The following GAB4 variants were observed in gnomAD, a reference collection of about 807,000 sequenced individuals.
GAB4 encodes GRB2-associated-binding protein 4.
GAB4 carries 26 observed loss-of-function variants against 51.3 expected under a neutral mutation model. That is an observed-to-expected ratio of 0.51 (90% CI 0.37 to 0.70). GAB4 has a LOEUF of 0.70. Ranked by LOEUF, GAB4 falls within the 30% of genes least tolerant of loss-of-function variation. GAB4 has a pLI of 0.00. For missense variants in GAB4, 759 were observed against 734.6 expected (o/e 1.03, Z -0.38); for synonymous variants, 329 against 291.2 (o/e 1.13, Z -1.32).
intron 2 of GAB4, 139 bp from the exon 3 acceptor site, chr22:16,988,306 G>C (rs1250308216): frequency 5.9e-6 from 4 of 683,396 alleles, no homozygotes; most frequent in Non-Finnish European, 2.6e-6. Context: ...TCCCAGAGGA[G>C]GGCTGGGGCC....
chr22:17,000,618 G>A (rs970300556), intron 1 of GAB4, among the ~76,000 whole-genome samples: 11 of 152,058 alleles, frequency 7.2e-5, no homozygotes, highest in African/African-American at 2.4e-4. Flanking sequence ...TCTTTTAATT[G>A]GAGCATTTAG....
intron 2 of GAB4, among the ~76,000 whole-genome samples, chr22:16,989,859 G>T (rs2060899557): frequency 6.6e-6 from 1 of 152,212 alleles, no homozygotes; most frequent in Admixed American, 6.5e-5. Flanking sequence ...ACCGCAGGGT[G>T]ATCCTGTCCT....
In GAB4 at chr22:17,007,948, C is replaced by T. The variant is rs749617120; in HGVS notation, c.167G>A (p.Arg56Lys). 1 of 1,601,874 alleles carries T rather than the reference C, an allele frequency of 6.2e-7. No individual in the cohort carries two copies. The highest frequency in any genetic ancestry group is 8.5e-7 in the Non-Finnish European group (1 of 1,171,704). ...LRKSPPEKKL[R>K]LFAWRKRWFI... ...CCCCACTGCCCCACTCACAAAGAGC[C>T]TCAGCTTCTTCTCGGGGGGCGACTT... is the stretch of plus-strand genomic sequence containing the variant. The change falls in exon 1 of 10, where the codon AGG (arginine) becomes AAG (lysine). Residue 56 changes from arginine to lysine, a missense_variant. Around this residue, in one of 3 missense-constraint regions of GAB4, gnomAD observed 83 missense variants for 73.1 expected, o/e 1.14. Transcript: ENST00000400588.
At chr22:16,989,468 G>C (rs1031242426) in intron 2 of GAB4, among the ~76,000 whole-genome samples, 1 of 152,196 alleles carries the variant, frequency 6.6e-6, no homozygotes, top group Non-Finnish European at 1.5e-5. Context: ...GGCAAGACAC[G>C]TTCTGCCAGT....
intron 3 of GAB4, among the ~76,000 whole-genome samples, chr22:16,974,828 G>T (rs936545201): frequency 6.6e-6 from 1 of 152,150 alleles, no homozygotes; most frequent in African/African-American, 2.4e-5. Context: ...ATCTCACTGG[G>T]ACTGGTTAGA....
intron 1 of GAB4, among the ~76,000 whole-genome samples, chr22:16,992,758 A>G (rs982606782): frequency 2.0e-5 from 3 of 152,134 alleles, no homozygotes; most frequent in African/African-American, 7.2e-5. Context: ...TTACTCTGTC[A>G]CTCAGGCTGG....
intron 5 of GAB4, among the ~76,000 whole-genome samples, chr22:16,967,936 C>G (rs987998184): frequency 1.5e-4 from 23 of 152,070 alleles, no homozygotes; most frequent in African/African-American, 5.3e-4. Flanking sequence ...CCCCAGCAGC[C>G]TGTCCCCTCT....
chr22:16,973,654 C>G (rs1456540042), intron 3 of GAB4, among the ~76,000 whole-genome samples: 6 of 152,194 alleles, frequency 3.9e-5, no homozygotes, highest in African/African-American at 1.4e-4. Flanking sequence ...AATTACTGGT[C>G]CCTAACTCTC....
chr22:16,990,413 C>A (rs372639696), intron 2 of GAB4, among the ~76,000 whole-genome samples: 9 of 152,264 alleles, frequency 5.9e-5, no homozygotes, highest in East Asian at 5.8e-4. Context: ...GTTGATCAAA[C>A]AAAGGATGTA....
chr22:16,996,116 G>A (rs1373613346), intron 1 of GAB4, among the ~76,000 whole-genome samples: 2 of 151,796 alleles, frequency 1.3e-5, no homozygotes, highest in East Asian at 3.9e-4. Flanking sequence ...GAACATAAAT[G>A]ACTTCATGAA....
chr22:17,001,408 C>G (rs1409747762), intron 1 of GAB4, among the ~76,000 whole-genome samples: 1 of 152,126 alleles, frequency 6.6e-6, no homozygotes, highest in East Asian at 1.9e-4. Flanking sequence ...ATCACTGATG[C>G]CTTCTTCCTC....
chr22:16,968,320 T>C lies in GAB4; in HGVS notation c.1001A>G (p.His334Arg), dbSNP rs1202956201. The stretch of plus-strand genomic sequence containing the variant: ...CACCAGGAAAGAACAGACTCCCTCA[T>C]GCATGGACTCAGCAGGCCGGCTGGC... Reference protein sequence around the residue: ...GNASRPAESMHEGVCSFLPGR... With the variant: ...GNASRPAESMREGVCSFLPGR... The change falls in exon 5 of 10, where the codon CAT becomes CGT. Residue 334 changes from histidine to arginine, a missense_variant. This residue lies in a region of GAB4 where 588 missense variants were observed against 510.2 expected (regional missense o/e 1.15). Transcript: ENST00000400588. 14 of 1,613,876 alleles carry C rather than the reference T, an allele frequency of 8.7e-6. No homozygotes were observed. Among genetic ancestry groups the C allele is most frequent in the Non-Finnish European group, 1.1e-5 (13 of 1,179,776 alleles).
intron 3 of GAB4, among the ~76,000 whole-genome samples, chr22:16,971,551 A>G (rs905712338): frequency 1.6e-3 from 247 of 152,352 alleles, no homozygotes; most frequent in African/African-American, 5.3e-3. Context: ...ATGTGGGGAA[A>G]AAAGTAAGAC....
chr22:16,963,602 C>A, intron 9 of GAB4, 123 bp downstream of exon 9: 1 of 705,908 alleles, frequency 1.4e-6, no homozygotes, highest in Non-Finnish European at 2.5e-6. Context: ...AGCATAAGAG[C>A]CAGGCACTGG....
chr22:16,962,200 C>T lies in GAB4; in HGVS notation c.*533G>A, dbSNP rs2060635414. On this transcript the variant is annotated 3_prime_UTR_variant, in exon 10 of 10. Coordinates refer to ENST00000400588, the MANE Select transcript of GAB4 (RefSeq NM_001037814.1). ...CTGGCCTCAGTCTGAAAGTGGGAGC[C>T]CTTGCAGGTATCAGCTGCCCTGCTG... 1 of 152,470 alleles carries T rather than the reference C, an allele frequency of 6.6e-6. No individual in the cohort carries two copies. The highest frequency in any genetic ancestry group is 2.1e-4 in the South Asian group (1 of 4,836). The allele number at this position is 152,470 out of a possible 1,614,324, so 9.4% of individuals were successfully genotyped here.
At chr22:17,004,437 C>T (rs1009109662) in intron 1 of GAB4, among the ~76,000 whole-genome samples, 5 of 152,190 alleles carry the variant, frequency 3.3e-5, no homozygotes, top group African/African-American at 1.2e-4. Context: ...CAATAAAATA[C>T]TGGCAAACCG....
At chr22:16,993,915 C>A (rs1351606275) in intron 1 of GAB4, among the ~76,000 whole-genome samples, 3 of 152,192 alleles carry the variant, frequency 2.0e-5, no homozygotes, top group Non-Finnish European at 2.9e-5. Flanking sequence ...GACCTTGTCA[C>A]TGGGGAACAC....
intron 1 of GAB4, 32 bp from the exon 2 acceptor site, chr22:16,992,208 C>A (rs763343844): frequency 3.8e-6 from 6 of 1,572,642 alleles, no homozygotes; most frequent in Non-Finnish European, 5.2e-6. Context: ...GGGAAGCATG[C>A]ATTTGTTATT....
At chr22:16,976,990 C>T (rs2060784094) in intron 3 of GAB4, among the ~76,000 whole-genome samples, 1 of 152,096 alleles carries the variant, frequency 6.6e-6, no homozygotes, top group Non-Finnish European at 1.5e-5. Context: ...TTGTCACCAC[C>T]ATGCCTGCCT....
Sources: gnomAD v4.1 joint callset for allele counts (sites outside exome capture counted in the v4.1 genomes callset) on GRCh38, gnomAD v4.1.1 for gene constraint, gnomAD v4.1.1 regional missense constraint, MANE v1.5 for transcripts, NCBI Gene and HGNC (gene_info 2026-07-23, HGNC 2026-07-21) for gene names.